The following ABCA12 variants were observed in gnomAD, a reference collection of about 807,000 sequenced individuals.
The protein encoded by ABCA12 is glucosylceramide transporter ABCA12.
Under a neutral mutation model 293.5 loss-of-function variants are expected in ABCA12, and 156 were observed. The observed-to-expected ratio is 0.53, with a 90% CI of 0.47 to 0.61. The LOEUF (loss-of-function observed/expected upper bound fraction) is 0.61. Among genes scored for constraint, ABCA12 ranks in the 20% least tolerant of loss-of-function variants. The pLI is 0.00. For missense variants in ABCA12, 2,797 were observed against 3,090.2 expected (o/e 0.91, Z 2.25); for synonymous variants, 1,063 against 1,108.0 (o/e 0.96, Z 0.81).
chr2:215,033,455 T>C (rs1461959361), intron 8 of ABCA12, among the ~76,000 whole-genome samples: 1 of 152,080 alleles, frequency 6.6e-6, no homozygotes, highest in African/African-American at 2.4e-5. Context: ...TAATAGAAAA[T>C]TAACTTTATA....
At chr2:215,056,634 T>C (rs1003684322) in intron 3 of ABCA12, among the ~76,000 whole-genome samples, 2 of 152,090 alleles carry the variant, frequency 1.3e-5, no homozygotes, top group Admixed American at 6.6e-5. Flanking sequence ...AGCACGTGTC[T>C]ACTCCCATCA....
At chr2:214,934,570 G>T (rs940097328) in intron 51 of ABCA12, among the ~76,000 whole-genome samples, 12 of 152,138 alleles carry the variant, frequency 7.9e-5, no homozygotes, top group Non-Finnish European at 1.5e-4. Flanking sequence ...TCAATCTTAA[G>T]AAATTTCATT....
At chr2:215,031,338 A>T (rs1175532425) in intron 9 of ABCA12, among the ~76,000 whole-genome samples, 4 of 152,238 alleles carry the variant, frequency 2.6e-5, no homozygotes, top group Non-Finnish European at 5.9e-5. Flanking sequence ...AGAGGCTGCT[A>T]TGGTATGAAT....
At chr2:215,005,514 T>A (rs1317836510) in intron 19 of ABCA12, among the ~76,000 whole-genome samples, 1 of 152,214 alleles carries the variant, frequency 6.6e-6, no homozygotes, top group Non-Finnish European at 1.5e-5. Context: ...GCTGGTGGCA[T>A]GCAGACTGAT....
intron 15 of ABCA12, among the ~76,000 whole-genome samples, chr2:215,012,715 T>C (rs1000573055): frequency 3.3e-5 from 5 of 152,182 alleles, no homozygotes; most frequent in Admixed American, 1.3e-4. Context: ...ATTGTGGTAA[T>C]AGTTGCACAA....
chr2:214,978,105 C>T lies in ABCA12; in HGVS notation c.5128+211G>A, dbSNP rs185529322. Among the ~76,000 whole-genome samples the T allele has an allele frequency of 5.9e-5, 9 of 152,214 alleles. No individual in the cohort carries two copies. The East Asian group carries it at 1.7e-3, about 29-fold the overall frequency. On this transcript the variant is annotated intron_variant, in intron 33 of 52. Transcript: ENST00000272895. ...CACCATGCTATCAAGAGAGTTCTTT[C>T]ACATTCTTCAAAGTACTTTTGAAAT...
At chr2:214,994,823 G>A (rs1031697604) in intron 23 of ABCA12, among the ~76,000 whole-genome samples, 21 of 151,996 alleles carry the variant, frequency 1.4e-4, no homozygotes, top group Admixed American at 7.9e-4. Flanking sequence ...ACACCTCTGC[G>A]GCCCACATAT....
intron 1 of ABCA12, among the ~76,000 whole-genome samples, chr2:215,112,742 T>C (rs979919539): frequency 6.6e-6 from 1 of 152,120 alleles, no homozygotes; most frequent in Non-Finnish European, 1.5e-5. Flanking sequence ...GTGATCCACC[T>C]GCCTCAGCCT....
chr2:214,949,377 T>C (rs113250545), intron 45 of ABCA12, among the ~76,000 whole-genome samples: 38,184 of 142,878 alleles, frequency 0.27, 6,516 homozygotes, highest in African/African-American at 0.5. Context: ...TATATATATA[T>C]ACACACACAC....
At chr2:215,114,099 A>G (rs1575053313) in intron 1 of ABCA12, among the ~76,000 whole-genome samples, 1 of 152,000 alleles carries the variant, frequency 6.6e-6, no homozygotes, top group Non-Finnish European at 1.5e-5. Context: ...CTCAGCCTCC[A>G]GAGTAGCTGG....
intron 2 of ABCA12, chr2:215,075,404 G>A (rs886071493): frequency 5.2e-6 from 3 of 571,820 alleles, no homozygotes; most frequent in African/African-American, 1.9e-5. Context: ...TTATTGCCCG[G>A]AACTATATAT....
At chr2:214,936,347 C>T (rs1420414258) in intron 51 of ABCA12, among the ~76,000 whole-genome samples, 2 of 152,072 alleles carry the variant, frequency 1.3e-5, no homozygotes, top group Non-Finnish European at 1.5e-5. Flanking sequence ...ATGTATCACC[C>T]ATGAATAGTG....
intron 5 of ABCA12, 51 bp downstream of exon 5, chr2:215,052,436 A>C: frequency 7.0e-7 from 1 of 1,438,188 alleles, no homozygotes; most frequent in Non-Finnish European, 9.8e-7. Context: ...CTATTAACCT[A>C]AAAGGCCTAT....
chr2:215,022,832 TA>T (rs1444533697), intron 11 of ABCA12: 2 of 152,180 alleles, frequency 1.3e-5, no homozygotes, highest in Admixed American at 1.3e-4. Context: ...TGAGTCTATT[TA>T]AAATTTTACA....
chr2:215,114,292 T>A (rs1702643009), intron 1 of ABCA12, among the ~76,000 whole-genome samples: 1 of 152,220 alleles, frequency 6.6e-6, no homozygotes, highest in Admixed American at 6.5e-5. Context: ...TTCTTAATAC[T>A]TTGATAACTG....
intron 1 of ABCA12, among the ~76,000 whole-genome samples, chr2:215,134,565 T>TACATATATGC (rs1703158866): frequency 7.3e-6 from 1 of 137,814 alleles, no homozygotes; most frequent in African/African-American, 2.7e-5. Flanking sequence ...TATATATGTG[T>TACATATATGC]GTATATATAT....
rs754873523 is a variant in ABCA12, at chr2:214,974,815, G to A, written c.5431C>T (p.Pro1811Ser). 13 of 1,613,918 alleles carry A rather than the reference G, an allele frequency of 8.1e-6. No individual in the cohort carries two copies. The highest frequency in any genetic ancestry group is 1.1e-5 in the Non-Finnish European group (13 of 1,179,974). The change falls in exon 35 of 53, where the codon CCT (proline) becomes TCT (serine). Residue 1811 changes from proline to serine, a missense_variant. Coordinates refer to ENST00000272895, the MANE Select transcript of ABCA12 (RefSeq NM_173076.3). ...EALVSAMWDF[P>S]GIDNMCLNTS... Reference sequence around the variant, plus strand: ...TTCAGACACATGTTGTCAATTCCAGGGAAGTCCCACATTGCTGAGACAAGT... The same window carrying A: ...TTCAGACACATGTTGTCAATTCCAGAGAAGTCCCACATTGCTGAGACAAGT...
intron 34 of ABCA12, 99 bp from the exon 35 acceptor site, chr2:214,974,963 GTTTTCT>G (rs1699477613): frequency 1.8e-6 from 2 of 1,138,254 alleles, no homozygotes; most frequent in South Asian, 2.5e-5. Flanking sequence ...ATATAGAAGG[GTTTTCT>G]TTTTCTTTTT....
At chr2:215,038,780 A>T (rs1433624549) in intron 7 of ABCA12, among the ~76,000 whole-genome samples, 1 of 152,208 alleles carries the variant, frequency 6.6e-6, no homozygotes, top group African/African-American at 2.4e-5. Flanking sequence ...CAATCTCATT[A>T]AATCTTTCAG....
Sources: gnomAD v4.1 joint callset for allele counts (sites outside exome capture counted in the v4.1 genomes callset) on GRCh38, gnomAD v4.1.1 for gene constraint, MANE v1.5 for transcripts, NCBI Gene and HGNC (gene_info 2026-07-23, HGNC 2026-07-21) for gene names.